The following MYL6 variants were observed in gnomAD, a reference collection of about 807,000 sequenced individuals.
MYL6 encodes myosin light chain 6, also known as myosin light polypeptide 6.
Under a neutral mutation model 20.3 loss-of-function variants are expected in MYL6, and 20 were observed. The ratio of observed to expected loss-of-function variants is 0.98; its 90% CI spans 0.69 to 1.43. The LOEUF is 1.43. MYL6 is among the 40% of genes most tolerant of loss of function. MYL6 has a pLI of 0.00. For missense variants in MYL6, 164 were observed against 191.0 expected (o/e 0.86, Z 0.83); for synonymous variants, 77 against 72.4 (o/e 1.06, Z -0.32).
chr12:56,160,293 G>C lies in MYL6; in HGVS notation c.400G>C (p.Asp134His), dbSNP rs1174782107. 1 of 1,614,100 alleles carries C rather than the reference G, an allele frequency of 6.2e-7. No homozygotes were observed. The highest frequency in any genetic ancestry group is 8.5e-7 in the Non-Finnish European group (1 of 1,180,048). Residue 134 changes from aspartate to histidine, a missense_variant, in exon 5 of 7, where the codon GAC becomes CAC. Asp to His is a moderately conservative substitution (Grantham distance 81). Transcript: ENST00000550697. Reference protein sequence around the residue: ...EVEMLVAGHEDSNGCINYEAF... With the variant: ...EVEMLVAGHEHSNGCINYEAF... Reference sequence around the variant, plus strand: ...AGAGATGCTGGTGGCAGGGCATGAGGACAGCAATGGTTGTATCAACTATGA... The same window carrying C: ...AGAGATGCTGGTGGCAGGGCATGAGCACAGCAATGGTTGTATCAACTATGA...
Position 56,158,689 on chromosome 12 carries a change from C to T in MYL6, c.9C>T (p.Asp3=). 6.2e-7 allele frequency: 1 copy of T among 1,614,132 alleles called. No homozygotes were observed. The highest frequency in any genetic ancestry group is 8.5e-7 in the Non-Finnish European group (1 of 1,180,014). MC[D]FTEDQTAEFK... The stretch of plus-strand genomic sequence containing the variant: ...CTTCCCTCTTCTCTGAGCAGTGTGA[C>T]TTCACCGAAGACCAGACCGCAGGTA... The change falls in exon 2 of 7, where the codon GAC becomes GAT. Residue 3 remains aspartate (D), a synonymous_variant. Coordinates refer to ENST00000550697, the MANE Select transcript of MYL6 (RefSeq NM_021019.5).
At chr12:56,161,280 G>A in intron 6 of MYL6, 107 bp from the exon 7 acceptor site, 1 of 1,378,888 alleles carries the variant, frequency 7.3e-7, no homozygotes, top group Admixed American at 1.7e-5. Flanking sequence ...TGGTTGCTGT[G>A]GGCATGTTCC....
chr12:56,160,405 A>T (rs140306854), intron 5 of MYL6, 85 bp downstream of exon 5: 1 of 1,576,724 alleles, frequency 6.3e-7, no homozygotes, highest in East Asian at 2.2e-5. Flanking sequence ...CTATCCCTGG[A>T]CTTGGGCTCC....
intron 2 of MYL6, 197 bp from the exon 3 acceptor site, chr12:56,159,379 CAGGCTGCCAGA>C (rs1871560755): frequency 1.7e-6 from 1 of 589,290 alleles, no homozygotes; most frequent in South Asian, 2.6e-5. Context: ...TGGATGTTAC[CAGGCTGCCAGA>C]AGGGGAGGAA....
chr12:56,160,812 G>A, intron 6 of MYL6, 142 bp downstream of exon 6: 6 of 934,606 alleles, frequency 6.4e-6, no homozygotes, highest in South Asian at 3.2e-5. Context: ...GACTAGGGAG[G>A]GGAGGGATTC....
intron 2 of MYL6, chr12:56,158,934 G>A (rs1248808855): frequency 2.1e-6 from 3 of 1,410,608 alleles, no homozygotes; most frequent in Non-Finnish European, 2.8e-6. Flanking sequence ...AGTTTTAGGT[G>A]GTGTGGGTAT....
intron 5 of MYL6, 25 bp from the exon 6 acceptor site, chr12:56,160,601 C>T: frequency 2.5e-6 from 4 of 1,614,110 alleles, no homozygotes; most frequent in Non-Finnish European, 3.4e-6. Flanking sequence ...TTGTCTTCAC[C>T]ATGAATGTCT....
At chr12:56,159,491 T>C (rs1871573553) in intron 2 of MYL6, 96 bp from the exon 3 acceptor site, 1 of 1,500,000 alleles carries the variant, frequency 6.7e-7, no homozygotes, top group Non-Finnish European at 9.0e-7. Flanking sequence ...ATATCTCGTT[T>C]CCTCAGCATG....
At chr12:56,160,450 C>A in intron 5 of MYL6, 130 bp downstream of exon 5, 1 of 1,449,110 alleles carries the variant, frequency 6.9e-7, no homozygotes, top group Non-Finnish European at 9.7e-7. Context: ...AGGGCCCTGC[C>A]CAGCCCAGCC....
Position 56,160,640 on chromosome 12 carries a change from AT to A in MYL6, c.443del (p.Ile148ThrfsTer17). 1 of 1,614,144 alleles carries A rather than the reference AT, an allele frequency of 6.2e-7. No homozygotes were observed. The highest frequency in any genetic ancestry group is 2.2e-5 in the East Asian group (1 of 44,888). ...CINYEAFVRH[I>X]LSG ...CCTTCCTGCAGCGTTTGTGAGGCAT[AT>A]CCTGTCGGGGTGACGGGCCCATGGG... On this transcript the variant is annotated frameshift_variant, in exon 6 of 7. Coordinates refer to ENST00000550697, the MANE Select transcript of MYL6 (RefSeq NM_021019.5). LOFTEE classifies it high-confidence loss of function.
rs781150528 is a variant in MYL6, at chr12:56,160,316, T to C, written c.423T>C (p.Tyr141=). 15 of 1,614,062 alleles carry C rather than the reference T, an allele frequency of 9.3e-6. No homozygotes were observed. The highest frequency in any genetic ancestry group is 1.3e-5 in the Non-Finnish European group (15 of 1,180,036). The change falls in exon 5 of 7, where the codon TAT becomes TAC. Residue 141 remains tyrosine, a synonymous_variant. Coordinates refer to ENST00000550697, the MANE Select transcript of MYL6 (RefSeq NM_021019.5). ...AGGACAGCAATGGTTGTATCAACTATGAAGGTAAGAGGTGAACTGCGCTTT... is the reference window on the plus strand; with the variant it reads ...AGGACAGCAATGGTTGTATCAACTACGAAGGTAAGAGGTGAACTGCGCTTT... The part of the protein sequence containing the change: ...GHEDSNGCIN[Y]EAFVRHILSG
intron 2 of MYL6, 68 bp downstream of exon 2, chr12:56,158,779 C>T: frequency 1.2e-6 from 2 of 1,603,092 alleles, no homozygotes; most frequent in South Asian, 1.1e-5. Context: ...CAGCACCTAT[C>T]CTCTAATCTT....
Position 56,160,042 on chromosome 12 carries a change from G to A in MYL6, c.243G>A (p.Lys81=), listed in dbSNP as rs555892722. Reference sequence around the variant, plus strand: ...TGCTGCAGACAGTGGCCAAGAACAAGGACCAGGGCACCTATGAGGATTATG... The same window carrying A: ...TGCTGCAGACAGTGGCCAAGAACAAAGACCAGGGCACCTATGAGGATTATG... ...LPMLQTVAKN[K]DQGTYEDYVE... The change falls in exon 4 of 7, where the codon AAG becomes AAA. Residue 81 remains lysine, a synonymous_variant. Coordinates refer to ENST00000550697, the MANE Select transcript of MYL6 (RefSeq NM_021019.5). The A allele has an allele frequency of 3.0e-5, 48 of 1,614,192 alleles. No individual in the cohort carries two copies. The East Asian group carries it at 8.2e-4, about 28-fold the overall frequency.
intron 2 of MYL6, chr12:56,159,052 T>G (rs1871529655): frequency 1.3e-6 from 1 of 758,124 alleles, no homozygotes; most frequent in Non-Finnish European, 1.9e-6. Flanking sequence ...GCCTCTTTTC[T>G]CCTCTTGTGA....
intron 4 of MYL6, 43 bp downstream of exon 4, chr12:56,160,191 G>A (rs769802154): frequency 2.5e-6 from 4 of 1,613,676 alleles, no homozygotes; most frequent in Non-Finnish European, 3.4e-6. Flanking sequence ...ATGGCACCCT[G>A]AGGTACCTCA....
chr12:56,159,372 A>G, intron 2 of MYL6: 1 of 567,474 alleles, frequency 1.8e-6, no homozygotes. Context: ...GTGTAAATGG[A>G]TGTTACCAGG....
intron 6 of MYL6, chr12:56,161,117 A>C (rs780285362): frequency 1.2e-5 from 7 of 593,466 alleles, no homozygotes; most frequent in African/African-American, 1.9e-5. Flanking sequence ...AGTGGCTGAC[A>C]GTAGCTGTAG....
At position 56,161,560 on chromosome 12, in the gene MYL6, A is replaced by C; in HGVS notation, c.*190A>C. On this transcript the variant is annotated 3_prime_UTR_variant, in exon 7 of 7. Transcript: ENST00000550697. ...GTTTGCCGTCAGCATTCACCAAATA[A>C]ACTTGCTCTCTGGGCCCTCGGTTCG... 1 of 1,041,718 alleles carries C rather than the reference A, an allele frequency of 9.6e-7. No homozygotes were observed. Among genetic ancestry groups the C allele is most frequent in the Non-Finnish European group, 1.5e-6 (1 of 672,420 alleles). 64.5% of individuals were successfully genotyped at this position (1,041,718 alleles called of 1,614,324 possible).
At chr12:56,160,911 T>C (rs1437571833) in intron 6 of MYL6, 2 of 593,548 alleles carry the variant, frequency 3.4e-6, no homozygotes, top group South Asian at 4.1e-5. Context: ...TGGGTGCTGG[T>C]GTCTGGGAAC....
Sources: allele counts gnomAD v4.1 joint callset, GRCh38; gene constraint gnomAD v4.1.1; transcripts MANE v1.5; gene names NCBI Gene and HGNC (gene_info 2026-07-23, HGNC 2026-07-21).